Variants in GLI2 observed in about 807,000 individuals in gnomAD.
GLI2 encodes GLI family zinc finger 2, also known as transcription activator GLI2.
In GLI2, 22 loss-of-function variants were observed where a neutral mutation model predicts 78.9. The observed-to-expected ratio is 0.28, with a 90% confidence interval of 0.20 to 0.40. GLI2 has a LOEUF of 0.40. Ranked by LOEUF, GLI2 falls within the 10% of genes least tolerant of loss-of-function variation. The pLI is 1.00. For synonymous variants in GLI2, 974 were observed against 963.7 expected (o/e 1.01, Z -0.20); for missense variants, 2,097 against 2,213.2 (o/e 0.95, Z 1.05).
rs1018043700 is a variant in GLI2 at position 120,907,492 on chromosome 2, C to T, written c.149-19869C>T. 7.2e-5 allele frequency among the ~76,000 whole-genome samples: 11 copies of T among 152,156 alleles called. No homozygotes were observed. In the South Asian group the frequency reaches 1.2e-3, roughly 17 times the overall value. ...TCCCACAGGGCTCATTTATCCATTA[C>T]CATGGGGAGTGCGTTTTCTGTAGTC... is the stretch of plus-strand genomic sequence containing the variant. On this transcript the variant is annotated intron_variant, in intron 2 of 13. Coordinates refer to ENST00000361492, the MANE Select transcript of GLI2 (RefSeq NM_001374353.1).
At chr2:120,956,933 C>T (rs1002311681) in intron 5 of GLI2, among the ~76,000 whole-genome samples, 3 of 152,158 alleles carry the variant, frequency 2.0e-5, no homozygotes, top group Admixed American at 1.3e-4. Context: ...CATCTCGCCT[C>T]CTCCAGGAAG....
At chr2:120,942,433 T>C (rs1159324161) in intron 3 of GLI2, among the ~76,000 whole-genome samples, 2 of 152,220 alleles carry the variant, frequency 1.3e-5, no homozygotes, top group African/African-American at 4.8e-5. Context: ...CCATCTCATC[T>C]TCTGTGTCTC....
chr2:120,959,073 G>A (rs1357413203), intron 5 of GLI2, among the ~76,000 whole-genome samples: 2 of 152,210 alleles, frequency 1.3e-5, no homozygotes, highest in Non-Finnish European at 2.9e-5. Flanking sequence ...AAGGGGCTGG[G>A]GAGCAACTTT....
chr2:120,789,033 C>CTTTTT (rs35017068), intron 1 of GLI2, among the ~76,000 whole-genome samples: 34 of 126,624 alleles, frequency 2.7e-4, no homozygotes, highest in African/African-American at 8.5e-4. Flanking sequence ...TTCTTTCTTT[C>CTTTTT]TTTTTTTTTT....
At chr2:120,897,854 T>C (rs1161634660) in intron 2 of GLI2, among the ~76,000 whole-genome samples, 1 of 152,170 alleles carries the variant, frequency 6.6e-6, no homozygotes, top group Non-Finnish European at 1.5e-5. Flanking sequence ...GGTGCTAACA[T>C]TTTATGAGAC....
At chr2:120,894,490 G>C (rs1045392068) in intron 2 of GLI2, among the ~76,000 whole-genome samples, 1 of 152,002 alleles carries the variant, frequency 6.6e-6, no homozygotes, top group African/African-American at 2.4e-5. Flanking sequence ...TGAGCATTCT[G>C]TTCCCTTCTC....
chr2:120,844,967 A>C, intron 2 of GLI2, among the ~76,000 whole-genome samples: 1 of 145,432 alleles, frequency 6.9e-6, no homozygotes, highest in East Asian at 2.1e-4. Context: ...TGGGAGGAGC[A>C]GGTGAGGAAA....
At chr2:120,959,576 C>A (rs1681441149) in intron 5 of GLI2, among the ~76,000 whole-genome samples, 1 of 152,236 alleles carries the variant, frequency 6.6e-6, no homozygotes, top group Non-Finnish European at 1.5e-5. Context: ...AGCTCCGAGG[C>A]CTGTGTGGAC....
chr2:120,920,252 G>T (rs1272531120), intron 2 of GLI2, among the ~76,000 whole-genome samples: 1 of 152,244 alleles, frequency 6.6e-6, no homozygotes, highest in Middle Eastern at 3.2e-3. Context: ...CAGGCCCTCA[G>T]GCTTCTCTGG....
At chr2:120,798,525 T>G (rs1684523872) in intron 2 of GLI2, among the ~76,000 whole-genome samples, 1 of 152,172 alleles carries the variant, frequency 6.6e-6, no homozygotes, top group South Asian at 2.1e-4. Context: ...GTATTTACTT[T>G]TATTTTTCCT....
chr2:120,787,236 G>A (rs917462967), intron 1 of GLI2, among the ~76,000 whole-genome samples: 5 of 152,198 alleles, frequency 3.3e-5, no homozygotes, highest in Non-Finnish European at 5.9e-5. Context: ...GCATGACTGC[G>A]GTGGAATGGG....
At chr2:120,894,387 G>T (rs982841212) in intron 2 of GLI2, among the ~76,000 whole-genome samples, 2 of 152,214 alleles carry the variant, frequency 1.3e-5, no homozygotes. Flanking sequence ...GCTGACTCAG[G>T]CTGGGTTTCA....
intron 2 of GLI2, among the ~76,000 whole-genome samples, chr2:120,881,317 T>C (rs1388772604): frequency 2.0e-5 from 3 of 151,932 alleles, no homozygotes; most frequent in African/African-American, 7.3e-5. Flanking sequence ...AGGGTCCTGC[T>C]TGAATGTCAG....
intron 2 of GLI2, among the ~76,000 whole-genome samples, chr2:120,896,696 T>TACAC (rs70954513): frequency 0.019 from 2,445 of 128,832 alleles, 21 homozygotes; most frequent in East Asian, 0.032. Context: ...CACACACCCA[T>TACAC]ACACACACAC....
In GLI2 at chr2:120,899,047, C is replaced by T. The variant is rs116342617; in HGVS notation, c.149-28314C>T. 2.8e-3 allele frequency among the ~76,000 whole-genome samples: 422 copies of T among 152,276 alleles called. 1 individual carries two copies. The highest frequency in any genetic ancestry group is 7.1e-3 in the Admixed American group (109 of 15,304). On this transcript the variant is annotated intron_variant, in intron 2 of 13. Transcript: ENST00000361492. ...CTCCCTCCGGGAGGGCCTGGCTGCT[C>T]ACGCATTTACGCCTCTCTCCAAACA...
intron 2 of GLI2, among the ~76,000 whole-genome samples, chr2:120,836,710 A>C (rs1392314838): frequency 6.6e-6 from 1 of 152,216 alleles, no homozygotes; most frequent in Non-Finnish European, 1.5e-5. Flanking sequence ...GTGTGTGTGC[A>C]TGGACACCTG....
chr2:120,785,689 G>A (rs572898385), intron 1 of GLI2, among the ~76,000 whole-genome samples: 11 of 152,204 alleles, frequency 7.2e-5, no homozygotes, highest in Non-Finnish European at 1.2e-4. Flanking sequence ...TTGCTGGCTC[G>A]TGGCTGCAGG....
intron 2 of GLI2, among the ~76,000 whole-genome samples, chr2:120,871,817 A>G (rs1359962155): frequency 3.9e-5 from 6 of 152,206 alleles, no homozygotes; most frequent in Admixed American, 1.3e-4. Flanking sequence ...AGAGTAAATG[A>G]GTTATTGTTG....
intron 1 of GLI2, among the ~76,000 whole-genome samples, chr2:120,757,240 G>A (rs904279024): frequency 9.3e-5 from 10 of 106,978 alleles, no homozygotes; most frequent in African/African-American, 3.6e-4. Context: ...TTTTTTTTTG[G>A]CATGTCTGGT....
Sources: gnomAD v4.1 joint callset for allele counts (sites outside exome capture counted in the v4.1 genomes callset) on GRCh38, gnomAD v4.1.1 for gene constraint, MANE v1.5 for transcripts, NCBI Gene and HGNC (gene_info 2026-07-23, HGNC 2026-07-21) for gene names.